BDKRB2: variants seen among roughly 807,000 people sequenced by gnomAD.
The protein encoded by BDKRB2 is B2 bradykinin receptor.
A neutral mutation model predicts 4.0 loss-of-function variants in BDKRB2; 6 were observed. The observed-to-expected ratio is 1.49, with a 90% CI of 0.81 to 2.93. The LOEUF (loss-of-function observed/expected upper bound fraction) is 2.93. Ranked by LOEUF, BDKRB2 falls within the 30% of genes most tolerant of loss-of-function variation. BDKRB2 has a pLI of 0.00. For missense variants in BDKRB2, 478 were observed against 520.1 expected (o/e 0.92, Z 0.79); for synonymous variants, 225 against 215.3 (o/e 1.05, Z -0.40).
rs146985256 is a variant in BDKRB2 at position 96,241,190 on chromosome 14, A to G, written c.862A>G (p.Ile288Val). The G allele has an allele frequency of 1.0e-4, 161 of 1,607,136 alleles. No homozygotes were observed. In the African/African-American group the frequency reaches 1.9e-3, roughly 19 times the overall value. The part of the protein sequence containing the change: ...LFIICWLPFQ[I>V]STFLDTLHRL... ...CATCATCTGCTGGCTGCCCTTCCAG[A>G]TCAGCACCTTCCTGGATACGCTGCA... Residue 288 changes from isoleucine (I) to valine (V), a missense_variant, in exon 3 of 3, where the codon ATC becomes GTC. Physicochemically the swap from Ile to Val is conservative, Grantham distance 29. Coordinates refer to ENST00000554311, the MANE Select transcript of BDKRB2 (RefSeq NM_001379692.1).
At chr14:96,224,055 A>G (rs1179501078) in intron 1 of BDKRB2, among the ~76,000 whole-genome samples, 2 of 151,638 alleles carry the variant, frequency 1.3e-5, no homozygotes, top group Non-Finnish European at 2.9e-5. Context: ...ATGCTTTCTG[A>G]AATAAGAGTC....
chr14:96,215,548 GGT>G (rs1890399460), intron 1 of BDKRB2, among the ~76,000 whole-genome samples: 1 of 152,038 alleles, frequency 6.6e-6, no homozygotes, highest in African/African-American at 2.4e-5. Context: ...TCTAGAGACA[GGT>G]TTGGGAGCCA....
At chr14:96,234,570 C>T (rs1289488659) in intron 1 of BDKRB2, among the ~76,000 whole-genome samples, 2 of 152,218 alleles carry the variant, frequency 1.3e-5, no homozygotes, top group Admixed American at 6.5e-5. Context: ...GGATCCTCAC[C>T]CAGGGCACGC....
intron 1 of BDKRB2, chr14:96,214,869 G>T (rs957013287): frequency 4.7e-4 from 72 of 152,342 alleles, no homozygotes; most frequent in African/African-American, 1.3e-3. Context: ...TGGGGGCGGG[G>T]ACAGGCAATC....
chr14:96,216,713 GAAGAGGA>G lies in BDKRB2; in HGVS notation c.-40+11756_-40+11762del, dbSNP rs1263502792. Among the ~76,000 whole-genome samples the G allele has an allele frequency of 5.8e-4, 41 of 70,156 alleles. 1 individual carries two copies. The highest frequency in any genetic ancestry group is 8.4e-4 in the Non-Finnish European group (23 of 27,378). The allele number at this position is 70,156 out of a possible 152,430, so 46.0% of individuals were successfully genotyped here. On this transcript the variant is annotated intron_variant, in intron 1 of 2. Coordinates refer to ENST00000554311, the MANE Select transcript of BDKRB2 (RefSeq NM_001379692.1). ...AGGAGGAAGGAGGAGGAAGGAGGAG[GAAGAGGA>G]AGGAGGAGGAGGAAGGAGGAGGAGG...
intron 2 of BDKRB2, chr14:96,239,898 C>G (rs1433513514): frequency 2.0e-6 from 2 of 985,804 alleles, no homozygotes; most frequent in Non-Finnish European, 2.4e-6. Context: ...TCCAGGAAGA[C>G]AGAAACTAGG....
At chr14:96,238,685 G>C (rs1157340821) in intron 2 of BDKRB2, 2 of 968,964 alleles carry the variant, frequency 2.1e-6, no homozygotes, top group Admixed American at 6.2e-5. Context: ...TGCTCAGGCT[G>C]TTCCCCCTGC....
At chr14:96,217,403 T>A (rs1184804381) in intron 1 of BDKRB2, among the ~76,000 whole-genome samples, 1 of 152,214 alleles carries the variant, frequency 6.6e-6, no homozygotes, top group African/African-American at 2.4e-5. Flanking sequence ...TATCTTATCA[T>A]CCTCCTTTGC....
At chr14:96,234,266 G>A (rs768711646) in intron 1 of BDKRB2, among the ~76,000 whole-genome samples, 6 of 152,170 alleles carry the variant, frequency 3.9e-5, no homozygotes, top group Non-Finnish European at 5.9e-5. Flanking sequence ...GGGCTGGTAC[G>A]GCAAAGCCTC....
chr14:96,235,223 C>T (rs1448007039), intron 1 of BDKRB2, among the ~76,000 whole-genome samples: 1 of 151,926 alleles, frequency 6.6e-6, no homozygotes, highest in African/African-American at 2.4e-5. Context: ...TGGCAGGCAC[C>T]TGTGATCCCA....
intron 1 of BDKRB2, among the ~76,000 whole-genome samples, chr14:96,225,566 G>A (rs1890676995): frequency 6.6e-6 from 1 of 152,096 alleles, no homozygotes; most frequent in Non-Finnish European, 1.5e-5. Flanking sequence ...GCGACTCCCA[G>A]GAGCTGAAAG....
rs183802263 is a variant in BDKRB2, at chr14:96,229,693, G to A, written c.-39-7376G>A. On this transcript the variant is annotated intron_variant, in intron 1 of 2. Coordinates refer to ENST00000554311, the MANE Select transcript of BDKRB2 (RefSeq NM_001379692.1). ...AGGCGGCCACGGAGGGTTAGTGACA[G>A]AGCAGAATCAGGCAGGGCACCCGGG... 4.7e-4 allele frequency among the ~76,000 whole-genome samples: 71 copies of A among 152,290 alleles called. 1 individual carries two copies. In the South Asian group the frequency reaches 8.5e-3, roughly 18 times the overall value.
chr14:96,221,499 A>G (rs1439801510), intron 1 of BDKRB2, among the ~76,000 whole-genome samples: 1 of 152,130 alleles, frequency 6.6e-6, no homozygotes, highest in Non-Finnish European at 1.5e-5. Flanking sequence ...GGAGACGTCA[A>G]CAGACATTCA....
intron 1 of BDKRB2, among the ~76,000 whole-genome samples, chr14:96,231,504 C>A (rs1325739988): frequency 6.6e-6 from 1 of 152,184 alleles, no homozygotes; most frequent in African/African-American, 2.4e-5. Flanking sequence ...CCTTCCGCCA[C>A]CCCCTGCCTG....
intron 1 of BDKRB2, among the ~76,000 whole-genome samples, chr14:96,216,689 G>A (rs1268380624): frequency 7.5e-6 from 1 of 132,516 alleles, no homozygotes; most frequent in East Asian, 2.2e-4. Flanking sequence ...AGGAGGAGGA[G>A]GAGGAAGGAG....
chr14:96,208,444 G>A (rs940696762), intron 1 of BDKRB2, among the ~76,000 whole-genome samples: 10 of 152,170 alleles, frequency 6.6e-5, no homozygotes, highest in African/African-American at 2.4e-4. Flanking sequence ...GTCACTTACT[G>A]GCCAGGAAAG....
chr14:96,209,075 G>A (rs894235558), intron 1 of BDKRB2, among the ~76,000 whole-genome samples: 2 of 152,230 alleles, frequency 1.3e-5, no homozygotes, highest in Admixed American at 1.3e-4. Context: ...TGGCAGGGTG[G>A]TCTGCCGGAG....
intron 1 of BDKRB2, among the ~76,000 whole-genome samples, chr14:96,212,433 T>C (rs952364360): frequency 6.6e-6 from 1 of 151,844 alleles, no homozygotes; most frequent in Non-Finnish European, 1.5e-5. Flanking sequence ...ATAAACTAGA[T>C]AATAATGATC....
At chr14:96,236,487 C>T (rs1356426912) in intron 1 of BDKRB2, among the ~76,000 whole-genome samples, 1 of 152,306 alleles carries the variant, frequency 6.6e-6, no homozygotes, top group East Asian at 1.9e-4. Flanking sequence ...CGCCCCTGTC[C>T]TCACCCCATC....
Sources: allele counts gnomAD v4.1 joint callset (sites outside exome capture counted in the v4.1 genomes callset), GRCh38; gene constraint gnomAD v4.1.1; transcripts MANE v1.5; gene names NCBI Gene and HGNC (gene_info 2026-07-23, HGNC 2026-07-21).